Variants in CDH23 observed in about 807,000 individuals in gnomAD.
CDH23 encodes the protein cadherin related 23, also known as cadherin-23.
In CDH23, 189 loss-of-function variants were observed where a neutral mutation model predicts 317.1. The observed-to-expected ratio is 0.60, with a 90% CI of 0.53 to 0.67. The LOEUF is 0.67. CDH23 is among the 30% of genes least tolerant of loss of function. The pLI, the probability that CDH23 is intolerant of heterozygous loss-of-function variation, is 0.00. For missense variants in CDH23, 4,401 were observed against 4,592.4 expected (o/e 0.96, Z 1.20); for synonymous variants, 1,839 against 1,876.8 (o/e 0.98, Z 0.52).
At chr10:71,680,810 C>CTTTTTTTTTTTTTTTTT (rs562449159) in intron 17 of CDH23, among the ~76,000 whole-genome samples, 2 of 100,564 alleles carry the variant, frequency 2.0e-5, no homozygotes, top group Non-Finnish European at 3.7e-5. Context: ...CTCTGTCTTT[C>CTTTTTTTTTTTTTTTTT]TTTTTTTTTT....
chr10:71,671,632 C>T (rs576694694), intron 14 of CDH23, among the ~76,000 whole-genome samples: 31 of 81,968 alleles, frequency 3.8e-4, no homozygotes, highest in African/African-American at 1.0e-3. Context: ...GGGATAGACT[C>T]AGTCGCTGCC....
Position 71,798,355 on chromosome 10 carries a change from CAAGCT to C in CDH23, c.6832_6836del (p.Lys2278AspfsTer9), listed in dbSNP as rs1262524222. ...CCTCACTCCCTGCCTCCACCACAGC[CAAGCT>C]GACTGTCAACGTCCTGGACGTCAAT... On this transcript the variant is annotated frameshift_variant and splice_region_variant, in exon 50 of 70. Transcript: ENST00000224721. LOFTEE classifies it high-confidence loss of function. 6.2e-7 allele frequency: 1 copy of C among 1,612,970 alleles called. No homozygotes were observed. Among genetic ancestry groups the C allele is most frequent in the South Asian group, 1.1e-5 (1 of 91,068 alleles).
chr10:71,532,727 G>GTTTTTTTTTT (rs200038577), intron 6 of CDH23, among the ~76,000 whole-genome samples: 5 of 93,932 alleles, frequency 5.3e-5, no homozygotes, highest in Non-Finnish European at 1.2e-4. Context: ...TTTTTTTTTT[G>GTTTTTTTTTT]TTTTTTTTTT....
rs1841926049 is a variant in CDH23, at chr10:71,811,555, GCT to G, written c.9246_9247del (p.Phe3083CysfsTer36). On this transcript the variant is annotated frameshift_variant, in exon 64 of 70. Transcript: ENST00000224721. LOFTEE classifies it high-confidence loss of function. ...LAILLFLAAM[L>X]FVLMNWYYRT... ...CTATCCTCCTGTTCCTGGCCGCCAT[GCT>G]CTTTGTCCTCATGAACTGGTACTAC... The G allele has an allele frequency of 6.2e-7, 1 of 1,613,976 alleles. No homozygotes were observed. Among genetic ancestry groups the G allele is most frequent in the East Asian group, 2.2e-5 (1 of 44,868 alleles).
intron 9 of CDH23, among the ~76,000 whole-genome samples, chr10:71,594,295 TTTTCTTTCTTCC>T (rs1252265632): frequency 3.9e-5 from 6 of 152,104 alleles, no homozygotes; most frequent in African/African-American, 7.2e-5. Flanking sequence ...TGGAAATTTG[TTTTCTTTCTTCC>T]TTTCTTTCTT....
chr10:71,614,249 G>A (rs1861062831), intron 9 of CDH23, among the ~76,000 whole-genome samples: 1 of 152,238 alleles, frequency 6.6e-6, no homozygotes, highest in Non-Finnish European at 1.5e-5. Flanking sequence ...AGAATTCCTG[G>A]CACGCTGACA....
intron 8 of CDH23, among the ~76,000 whole-genome samples, chr10:71,572,888 C>T (rs1322795494): frequency 6.6e-6 from 1 of 152,178 alleles, no homozygotes; most frequent in Non-Finnish European, 1.5e-5. Context: ...TTTGGGTCTC[C>T]AGGGCATCAT....
chr10:71,785,580 T>G, intron 43 of CDH23, 51 bp from the exon 44 acceptor site: 1 of 1,242,350 alleles, frequency 8.0e-7, no homozygotes, highest in East Asian at 2.5e-5. Flanking sequence ...TGGGCCAAAG[T>G]AGAAAGCAGG....
rs1180603218 is a variant in CDH23, at chr10:71,586,200, A to G, written c.832+8208A>G. Among the ~76,000 whole-genome samples the G allele has an allele frequency of 2.6e-5, 4 of 152,214 alleles. No homozygotes were observed. In the East Asian group the frequency reaches 5.8e-4, roughly 22 times the overall value. Reference sequence around the variant, plus strand: ...AGCTCTGTGGGGTTGGGGGGTTTCTAGCTCATGGCTGGAGGTTGTTTTGGT... The same window carrying G: ...AGCTCTGTGGGGTTGGGGGGTTTCTGGCTCATGGCTGGAGGTTGTTTTGGT... On this transcript the variant is annotated intron_variant, in intron 9 of 69. Transcript: ENST00000224721.
chr10:71,497,666 G>A (rs1043210373), intron 3 of CDH23, among the ~76,000 whole-genome samples: 15 of 152,188 alleles, frequency 9.9e-5, no homozygotes, highest in Non-Finnish European at 7.3e-5. Context: ...ACAGTATGTG[G>A]AAAACAGAGC....
At chr10:71,530,434 T>C (rs373061170) in intron 6 of CDH23, among the ~76,000 whole-genome samples, 46 of 152,148 alleles carry the variant, frequency 3.0e-4, no homozygotes, top group Admixed American at 6.5e-4. Context: ...GCCAAGCCGT[T>C]CTCCACCCGC....
chr10:71,522,128 G>GT (rs34189051), intron 6 of CDH23, among the ~76,000 whole-genome samples: 41,624 of 147,962 alleles, frequency 0.28, 6,326 homozygotes, highest in East Asian at 0.4. Context: ...GCTTACACAG[G>GT]TTTTTTTTTT....
In CDH23 at chr10:71,788,937, C is replaced by T; in HGVS notation, c.5821-3C>T. ...ACAACGTGCCCCATTCTGCCCCTTG[C>T]AGGATTATGACTTGCTTCTGATCTT... On this transcript the variant is annotated splice_polypyrimidine_tract_variant and splice_region_variant and intron_variant, in intron 44 of 69. Coordinates refer to ENST00000224721, the MANE Select transcript of CDH23 (RefSeq NM_022124.6). The T allele has an allele frequency of 6.6e-7, 1 of 1,523,226 alleles. No individual in the cohort carries two copies. The highest frequency in any genetic ancestry group is 9.1e-7 in the Non-Finnish European group (1 of 1,097,028). The allele number at this position is 1,523,226 out of a possible 1,614,324, so 94.4% of individuals were successfully genotyped here.
chr10:71,403,750 C>T (rs1002943948), intron 1 of CDH23, among the ~76,000 whole-genome samples: 3 of 151,818 alleles, frequency 2.0e-5, no homozygotes, highest in African/African-American at 4.8e-5. Context: ...CTCTTGACCT[C>T]GTAATCTGCC....
intron 11 of CDH23, among the ~76,000 whole-genome samples, chr10:71,628,654 C>A (rs893652324): frequency 2.0e-5 from 3 of 152,152 alleles, no homozygotes; most frequent in Non-Finnish European, 2.9e-5. Flanking sequence ...CCTATTACCA[C>A]ACCCAGCTAA....
rs370983472 is a variant in CDH23 at position 71,799,629 on chromosome 10, G to A, written c.7362G>A (p.Thr2454=). ...GESKFAINPT[T]GDIYVLSSLD... Reference sequence around the variant, plus strand: ...GCAAGTTTGCCATCAACCCCACCACGGTGAGCAGTGATGGAGGGCCTGGAA... The same window carrying A: ...GCAAGTTTGCCATCAACCCCACCACAGTGAGCAGTGATGGAGGGCCTGGAA... The change falls in exon 52 of 70, where the codon ACG becomes ACA. Residue 2454 remains threonine (T), a splice_region_variant and synonymous_variant. Coordinates refer to ENST00000224721, the MANE Select transcript of CDH23 (RefSeq NM_022124.6). 2.3e-5 allele frequency: 37 copies of A among 1,613,920 alleles called. No homozygotes were observed. Among genetic ancestry groups the A allele is most frequent in the African/African-American group, 1.2e-4 (9 of 74,938 alleles).
chr10:71,755,355 T>C, intron 38 of CDH23: 1 of 1,602,442 alleles, frequency 6.2e-7, no homozygotes, highest in South Asian at 1.1e-5. Flanking sequence ...GGAGGAATAC[T>C]CACGGCGGTT....
chr10:71,566,912 C>T lies in CDH23; in HGVS notation c.600C>T (p.Ala200=), dbSNP rs758770895. The T allele has an allele frequency of 2.5e-5, 40 of 1,613,306 alleles. No homozygotes were observed. Among genetic ancestry groups the T allele is most frequent in the Non-Finnish European group, 3.1e-5 (37 of 1,179,896 alleles). ...IRELDYETTQ[A]YQLTVNATDQ... The stretch of plus-strand genomic sequence containing the variant: ...AGCTGGACTACGAGACCACACAGGC[C>T]TACCAGCTCACGGTCAACGCCACAG... Residue 200 remains alanine (A), a synonymous_variant, in exon 7 of 70, where the codon GCC becomes GCT. Coordinates refer to ENST00000224721, the MANE Select transcript of CDH23 (RefSeq NM_022124.6).
At chr10:71,526,366 C>T (rs1855041108) in intron 6 of CDH23, among the ~76,000 whole-genome samples, 1 of 152,234 alleles carries the variant, frequency 6.6e-6, no homozygotes, top group African/African-American at 2.4e-5. Context: ...GAGGGACTGC[C>T]TGGGTCCAAG....
Sources: gnomAD v4.1 joint callset for allele counts (sites outside exome capture counted in the v4.1 genomes callset) on GRCh38, gnomAD v4.1.1 for gene constraint, MANE v1.5 for transcripts, NCBI Gene and HGNC (gene_info 2026-07-23, HGNC 2026-07-21) for gene names.